The following TCF25 variants were observed in gnomAD, a reference collection of about 807,000 sequenced individuals.
The protein encoded by TCF25 is ribosome quality control complex subunit TCF25.
Under a neutral mutation model 83.1 loss-of-function variants are expected in TCF25, and 41 were observed. The ratio of observed to expected loss-of-function variants is 0.49; its 90% CI spans 0.38 to 0.64. The LOEUF is 0.64. Ranked by LOEUF, TCF25 falls within the 30% of genes least tolerant of loss-of-function variation. TCF25 has a pLI of 0.00. For missense variants in TCF25, 979 were observed against 914.5 expected (o/e 1.07, Z -0.91); for synonymous variants, 458 against 365.0 (o/e 1.25, Z -2.90).
Position 89,896,091 on chromosome 16 carries a change from C to T in TCF25, c.1022+8C>T. On this transcript the variant is annotated splice_region_variant and intron_variant, in intron 9 of 17. Transcript: ENST00000263346. The stretch of plus-strand genomic sequence containing the variant: ...CCGCAGACCCGAGAACAGGTGAGTG[C>T]AGCTGCCCTGGAGGTGACGCAGCTC... 1 of 1,612,606 alleles carries T rather than the reference C, an allele frequency of 6.2e-7. No homozygotes were observed. The highest frequency in any genetic ancestry group is 8.5e-7 in the Non-Finnish European group (1 of 1,179,498).
At position 89,907,328 on chromosome 16, in the gene TCF25, T is replaced by A; in HGVS notation, c.1799+6T>A. On this transcript the variant is annotated splice_donor_region_variant and intron_variant, in intron 16 of 17. Transcript: ENST00000263346. ...TCCTACGTCAGGCCAGAGAGGTACC[T>A]CCCTCCTTCCAGTTCCCACCTCCCA... 1.2e-6 allele frequency: 2 copies of A among 1,607,384 alleles called. No individual in the cohort carries two copies. The highest frequency in any genetic ancestry group is 1.7e-4 in the Middle Eastern group (1 of 6,018).
At chr16:89,908,918 G>A (rs1190529774) in intron 16 of TCF25, 6 of 1,287,040 alleles carry the variant, frequency 4.7e-6, no homozygotes, top group Middle Eastern at 2.1e-4. Context: ...TTCAGACCCA[G>A]ATGCTGAGAG....
chr16:89,895,186 A>C, intron 8 of TCF25, 49 bp downstream of exon 8: 3 of 1,551,566 alleles, frequency 1.9e-6, no homozygotes, highest in African/African-American at 1.4e-5. Flanking sequence ...GAGCACCTCA[A>C]GCTATCAAGA....
chr16:89,907,451 GGCTCCCACCTCCCT>G (rs2044940157), intron 16 of TCF25, 129 bp downstream of exon 16: 1 of 31,000 alleles, frequency 3.2e-5, no homozygotes, highest in Non-Finnish European at 3.6e-5. Flanking sequence ...CCCGGCTCCT[GGCTCCCACCTCCCT>G]CCTCCCACCT....
chr16:89,900,767 C>T lies in TCF25; in HGVS notation c.1354C>T (p.Gln452Ter), dbSNP rs754815405. Residue 452 changes from glutamine (Q) to a stop codon, truncating the protein, a stop_gained, in exon 12 of 18, where the codon CAG (glutamine) becomes TAG (stop). Transcript: ENST00000263346. LOFTEE classifies it high-confidence loss of function. ...SARQKASLLIQQALTMFPGVL... is the reference protein window; with the variant it reads ...SARQKASLLI ...CAGGCAGAAGGCCTCTCTCCTGATACAGCAGGCGCTCACCATGTTCCCTGG... is the reference window on the plus strand; with the variant it reads ...CAGGCAGAAGGCCTCTCTCCTGATATAGCAGGCGCTCACCATGTTCCCTGG... The T allele has an allele frequency of 1.9e-6, 3 of 1,589,500 alleles. No homozygotes were observed. The highest frequency in any genetic ancestry group is 2.6e-6 in the Non-Finnish European group (3 of 1,159,564).
intron 1 of TCF25, among the ~76,000 whole-genome samples, chr16:89,875,609 G>A (rs917416510): frequency 4.5e-5 from 6 of 133,528 alleles, no homozygotes; most frequent in Admixed American, 2.6e-4. Flanking sequence ...TGCAAGCTCC[G>A]CCTCCTGGGT....
At chr16:89,897,623 A>T (rs2043963695) in intron 9 of TCF25, among the ~76,000 whole-genome samples, 1 of 152,188 alleles carries the variant, frequency 6.6e-6, no homozygotes, top group Non-Finnish European at 1.5e-5. Context: ...ATAAAATATT[A>T]ATATTTCCCG....
intron 16 of TCF25, chr16:89,910,380 C>A: frequency 1.7e-6 from 1 of 597,986 alleles, no homozygotes; most frequent in Admixed American, 3.0e-5. Flanking sequence ...ATCCTGTTCC[C>A]GCTGTCCACA....
intron 16 of TCF25, among the ~76,000 whole-genome samples, chr16:89,908,733 TCCCAGCTCCTGCC>T (rs1163973805): frequency 2.2e-5 from 3 of 137,214 alleles, no homozygotes; most frequent in African/African-American, 5.8e-5. Context: ...GCCTCCCAGC[TCCCAGCTCCTGCC>T]TCCCACCTGC....
intron 6 of TCF25, among the ~76,000 whole-genome samples, 161 bp downstream of exon 6, chr16:89,892,436 C>T (rs988206984): frequency 6.6e-6 from 1 of 152,048 alleles, no homozygotes; most frequent in African/African-American, 2.4e-5. Flanking sequence ...GCACCAGGGG[C>T]GTCAGTGCCT....
At chr16:89,906,965 G>T (rs953616040) in intron 15 of TCF25, among the ~76,000 whole-genome samples, 1 of 152,048 alleles carries the variant, frequency 6.6e-6, no homozygotes, top group Non-Finnish European at 1.5e-5. Flanking sequence ...TGAGCGGCAC[G>T]TGACCCCCTT....
chr16:89,885,259 C>T (rs770978117), intron 3 of TCF25, among the ~76,000 whole-genome samples: 14 of 152,160 alleles, frequency 9.2e-5, no homozygotes, highest in Non-Finnish European at 1.5e-4. Context: ...CTAAATGCTG[C>T]TTCTTGTTTT....
chr16:89,888,892 G>T (rs1478590052), intron 5 of TCF25, among the ~76,000 whole-genome samples: 1 of 143,932 alleles, frequency 6.9e-6, no homozygotes, highest in Non-Finnish European at 1.5e-5. Context: ...TCACCATGTC[G>T]GCCAGGCTGG....
intron 14 of TCF25, 84 bp from the exon 15 acceptor site, chr16:89,906,110 G>T: frequency 8.5e-7 from 1 of 1,177,510 alleles, no homozygotes; most frequent in Non-Finnish European, 1.2e-6. Flanking sequence ...CGTGCTGGGT[G>T]GGGGTGGGGG....
At chr16:89,907,374 AGT>A in intron 16 of TCF25, 52 bp downstream of exon 16, 6 of 43,600 alleles carry the variant, frequency 1.4e-4, no homozygotes, top group East Asian at 2.4e-3. Flanking sequence ...CCCTCCTCCC[AGT>A]TCCCAGCTCC....
rs186534617 is a variant in TCF25 at position 89,878,318 on chromosome 16, G to T, written c.192+4459G>T. Reference sequence around the variant, plus strand: ...AGACAACCTCAGGCTGGGTGCGGTGGCTCATGCCGGTAATCCCAGCACTGT... The same window carrying T: ...AGACAACCTCAGGCTGGGTGCGGTGTCTCATGCCGGTAATCCCAGCACTGT... On this transcript the variant is annotated intron_variant, in intron 1 of 17. Coordinates refer to ENST00000263346, the MANE Select transcript of TCF25 (RefSeq NM_014972.3). 5.8e-3 allele frequency: 3,826 copies of T among 655,448 alleles called. 12 individuals carry two copies. Among genetic ancestry groups the T allele is most frequent in the Non-Finnish European group, 6.6e-3 (3,277 of 499,572 alleles). 40.6% of individuals were successfully genotyped at this position (655,448 alleles called of 1,614,324 possible).
chr16:89,874,088 C>A (rs1339496245), intron 1 of TCF25, among the ~76,000 whole-genome samples: 1 of 146,802 alleles, frequency 6.8e-6, no homozygotes, highest in African/African-American at 2.5e-5. Flanking sequence ...TGGGTTCTAA[C>A]CCCGGTGAGG....
intron 1 of TCF25, among the ~76,000 whole-genome samples, chr16:89,877,514 A>T (rs1278875884): frequency 2.0e-5 from 3 of 152,220 alleles, no homozygotes; most frequent in Non-Finnish European, 4.4e-5. Flanking sequence ...CGATGATTAG[A>T]ACTTTATCAT....
intron 16 of TCF25, among the ~76,000 whole-genome samples, chr16:89,907,771 C>G (rs1160043326): frequency 4.5e-5 from 3 of 66,160 alleles, no homozygotes; most frequent in African/African-American, 7.5e-5. Context: ...CTCCCTCCTC[C>G]CAGTTCCCAC....
Sources: gnomAD v4.1 joint callset for allele counts (sites outside exome capture counted in the v4.1 genomes callset) on GRCh38, gnomAD v4.1.1 for gene constraint, MANE v1.5 for transcripts, NCBI Gene and HGNC (gene_info 2026-07-23, HGNC 2026-07-21) for gene names.